KY: variants seen among roughly 807,000 people sequenced by gnomAD.
The protein encoded by KY is kyphoscoliosis peptidase.
Under a neutral mutation model 76.1 loss-of-function variants are expected in KY, and 43 were observed. The observed-to-expected ratio is 0.57, with a 90% CI of 0.44 to 0.73. The LOEUF (loss-of-function observed/expected upper bound fraction) is 0.73, where lower values mean the gene tolerates loss of function less well. Ranked by LOEUF, KY falls within the 30% of genes least tolerant of loss-of-function variation. The probability of loss-of-function intolerance (pLI) is 0.00; values close to 1 mark genes in which losing one functional copy is unlikely to be tolerated. For missense variants in KY, 722 were observed against 828.9 expected (o/e 0.87, Z 1.58); for synonymous variants, 277 against 326.2 (o/e 0.85, Z 1.63).
At position 134,619,209 on chromosome 3, in the gene KY, T is replaced by C; in HGVS notation, c.649A>G (p.Ile217Val). ...CAGTTGGTCTTCTGGGTCCGCAGGA[T>C]GTCAGTGGGTTTGAAGGCTTGGCGG... is the stretch of plus-strand genomic sequence containing the variant. The part of the protein sequence containing the change: ...KDRQAFKPTD[I>V]LRTQKTNCDG... The change falls in exon 8 of 11, where the codon ATC becomes GTC. Residue 217 changes from isoleucine (I) to valine (V), a missense_variant. Ile to Val is a conservative substitution (Grantham distance 29, BLOSUM62 3). Around this residue, in one of 2 missense-constraint regions of KY, gnomAD observed 552 missense variants for 680.9 expected, o/e 0.81. Coordinates refer to ENST00000423778, the MANE Select transcript of KY (RefSeq NM_178554.6). 1 of 1,613,952 alleles carries C rather than the reference T, an allele frequency of 6.2e-7. No homozygotes were observed. The highest frequency in any genetic ancestry group is 1.6e-4 in the Middle Eastern group (1 of 6,062).
chr3:134,642,189 C>G (rs1042285777), intron 3 of KY, among the ~76,000 whole-genome samples: 4 of 152,192 alleles, frequency 2.6e-5, no homozygotes, highest in Admixed American at 6.5e-5. Flanking sequence ...CTGCCAGCGC[C>G]TTTCTATAGA....
intron 8 of KY, among the ~76,000 whole-genome samples, chr3:134,611,802 A>G (rs1474952183): frequency 6.6e-6 from 1 of 152,230 alleles, no homozygotes; most frequent in Admixed American, 6.5e-5. Context: ...AGTTGCTCTA[A>G]ACAAGAGGGC....
chr3:134,631,542 G>A (rs1964240446), intron 3 of KY, among the ~76,000 whole-genome samples: 1 of 94,036 alleles, frequency 1.1e-5, no homozygotes, highest in Non-Finnish European at 2.4e-5. Context: ...ACATCTGATA[G>A]GTTTTTGATA....
At chr3:134,608,411 A>G in intron 10 of KY, 1 of 1,480,340 alleles carries the variant, frequency 6.8e-7, no homozygotes, top group South Asian at 1.2e-5. Context: ...GGTTTATGCT[A>G]GTGTGAGTGA....
chr3:134,618,136 T>C (rs1300676843), intron 8 of KY, among the ~76,000 whole-genome samples: 1 of 152,086 alleles, frequency 6.6e-6, no homozygotes, highest in Admixed American at 6.5e-5. Context: ...AGCAGGAGGC[T>C]TAGAGTAACT....
intron 10 of KY, among the ~76,000 whole-genome samples, chr3:134,605,805 G>A (rs1312933086): frequency 6.6e-6 from 1 of 152,016 alleles, no homozygotes; most frequent in Admixed American, 6.5e-5. Context: ...TGGCCTCCAC[G>A]CCTTCCTCTG....
At chr3:134,615,477 T>G (rs527511336) in intron 8 of KY, 1 of 151,928 alleles carries the variant, frequency 6.6e-6, no homozygotes, top group Admixed American at 6.5e-5. Context: ...TTATTTTATT[T>G]TATTTTTGTT....
chr3:134,616,335 T>C (rs1198820965), intron 8 of KY, among the ~76,000 whole-genome samples: 3 of 152,182 alleles, frequency 2.0e-5, no homozygotes, highest in Non-Finnish European at 4.4e-5. Flanking sequence ...AATGAGACAA[T>C]TTCAGGGAGG....
At chr3:134,635,846 CTTTAA>C (rs1964893941) in intron 3 of KY, among the ~76,000 whole-genome samples, 1 of 152,140 alleles carries the variant, frequency 6.6e-6, no homozygotes, top group Non-Finnish European at 1.5e-5. Flanking sequence ...AGTGAAACTC[CTTTAA>C]GACTTCATTT....
chr3:134,615,407 C>A (rs1961355906), intron 8 of KY: 1 of 132,982 alleles, frequency 7.5e-6, no homozygotes, highest in Admixed American at 8.2e-5. Flanking sequence ...ATGGAAAAAT[C>A]ATTTGACCTC....
At position 134,602,914 on chromosome 3, in the gene KY, T is replaced by G. The variant is rs1045891799; in HGVS notation, c.*665A>C. ...ACTTTCTGGTTGTCACATTCCTGACTATACTTAGGGATGTTGGAGACGATC... is the reference window on the plus strand; with the variant it reads ...ACTTTCTGGTTGTCACATTCCTGACGATACTTAGGGATGTTGGAGACGATC... On this transcript the variant is annotated 3_prime_UTR_variant, in exon 11 of 11. Transcript: ENST00000423778. Among the ~76,000 whole-genome samples the G allele has an allele frequency of 1.3e-5, 2 of 152,246 alleles. No individual in the cohort carries two copies. The highest frequency in any genetic ancestry group is 4.8e-5 in the African/African-American group (2 of 41,468).
At position 134,603,758 on chromosome 3, in the gene KY, C is replaced by G. The variant is rs1307622298; in HGVS notation, c.1807G>C (p.Gly603Arg). ...RNVPFKLKLHGIAKVLVKGQD... is the reference protein window; with the variant it reads ...RNVPFKLKLHRIAKVLVKGQD... ...CCCTTCACCAGGACTTTGGCAATAC[C>G]ATGCAGCTTCAATTTGAATGGGACA... The change falls in exon 11 of 11, where the codon GGT (glycine) becomes CGT (arginine). Residue 603 changes from glycine (G) to arginine (R), a missense_variant. By Grantham distance (125) the Gly-to-Arg change is moderately radical. This residue lies in a region of KY where 552 missense variants were observed against 680.9 expected (regional missense o/e 0.81). Transcript: ENST00000423778. The G allele has an allele frequency of 6.2e-7, 1 of 1,612,122 alleles. No homozygotes were observed. The highest frequency in any genetic ancestry group is 1.3e-5 in the African/African-American group (1 of 74,888).
At chr3:134,622,866 C>T (rs549923898) in intron 6 of KY, among the ~76,000 whole-genome samples, 1 of 152,104 alleles carries the variant, frequency 6.6e-6, no homozygotes, top group Non-Finnish European at 1.5e-5. Context: ...ACTCCAGGAC[C>T]TTGTTTTTAG....
chr3:134,642,255 G>A (rs972488226), intron 3 of KY, among the ~76,000 whole-genome samples: 2 of 152,152 alleles, frequency 1.3e-5, no homozygotes, highest in African/African-American at 2.4e-5. Context: ...CCAATCCTCC[G>A]GGGCCTCCAG....
chr3:134,618,997 GA>G (rs767345922), intron 8 of KY, 150 bp downstream of exon 8: 3 of 638,772 alleles, frequency 4.7e-6, no homozygotes, highest in Non-Finnish European at 8.4e-6. Flanking sequence ...TAAAAAGGGA[GA>G]AATTGACCTT....
At chr3:134,616,990 A>G (rs940143620) in intron 8 of KY, among the ~76,000 whole-genome samples, 16 of 152,200 alleles carry the variant, frequency 1.1e-4, no homozygotes, top group Admixed American at 4.6e-4. Context: ...CACAAAGAAC[A>G]AAACTAATAG....
rs762060474 is a variant in KY, at chr3:134,602,266, C to G, written c.*1313G>C. Among the ~76,000 whole-genome samples, 1 of 152,114 alleles carries G rather than the reference C, an allele frequency of 6.6e-6. No homozygotes were observed. Among genetic ancestry groups the G allele is most frequent in the Non-Finnish European group, 1.5e-5 (1 of 68,016 alleles). ...CTCGCCTTTCCCTCTTATCTGCCCT[C>G]GCTGAAGTCAGCCTTTCCTCCGTTG... On this transcript the variant is annotated 3_prime_UTR_variant, in exon 11 of 11. Transcript: ENST00000423778.
Position 134,646,776 on chromosome 3 carries a change from T to C in KY, c.199+659A>G, listed in dbSNP as rs1577838664. ...GAGTTCTCTACTGGGGCTCTGGGAG[T>C]AGAGGTTTGGTCTCTATTAGAACCT... On this transcript the variant is annotated intron_variant, in intron 2 of 10. Transcript: ENST00000423778. 3.9e-5 allele frequency among the ~76,000 whole-genome samples: 6 copies of C among 152,056 alleles called. No homozygotes were observed. In the South Asian group the frequency reaches 1.2e-3, roughly 32 times the overall value.
intron 3 of KY, 79 bp downstream of exon 3, chr3:134,643,237 C>T (rs1965984596): frequency 3.6e-6 from 5 of 1,406,084 alleles, no homozygotes; most frequent in Non-Finnish European, 5.0e-6. Flanking sequence ...AGCTCCACAT[C>T]CTGGGCTGTC....
Sources: gnomAD v4.1 joint callset for allele counts (sites outside exome capture counted in the v4.1 genomes callset) on GRCh38, gnomAD v4.1.1 for gene constraint, gnomAD v4.1.1 regional missense constraint, MANE v1.5 for transcripts, NCBI Gene and HGNC (gene_info 2026-07-23, HGNC 2026-07-21) for gene names.